Variants in RPTOR observed in about 807,000 individuals in gnomAD.
The protein encoded by RPTOR is regulatory associated protein of MTOR complex 1, also known as regulatory-associated protein of mTOR.
A neutral mutation model predicts 169.9 loss-of-function variants in RPTOR; 21 were observed. The observed-to-expected ratio is 0.12, with a 90% CI of 0.09 to 0.18. The LOEUF (loss-of-function observed/expected upper bound fraction) is 0.18. RPTOR is among the 10% of genes least tolerant of loss of function. The pLI is 1.00. For synonymous variants in RPTOR, 732 were observed against 753.2 expected (o/e 0.97, Z 0.46); for missense variants, 1,133 against 1,855.9 (o/e 0.61, Z 7.16).
intron 9 of RPTOR, among the ~76,000 whole-genome samples, chr17:80,828,787 G>A (rs1446213137): frequency 6.6e-6 from 1 of 152,212 alleles, no homozygotes; most frequent in South Asian, 2.1e-4. Flanking sequence ...GGTTATAAGA[G>A]GGAAAATTTG....
intron 16 of RPTOR, among the ~76,000 whole-genome samples, chr17:80,884,369 C>T (rs1297082753): frequency 6.6e-6 from 1 of 152,222 alleles, no homozygotes; most frequent in Non-Finnish European, 1.5e-5. Context: ...GTGCGGGGCA[C>T]TGCCCACAGA....
chr17:80,755,738 C>CAAA (rs77078803), intron 6 of RPTOR, among the ~76,000 whole-genome samples: 4 of 80,184 alleles, frequency 5.0e-5, no homozygotes, highest in African/African-American at 5.2e-5. Flanking sequence ...GACCCTGTCT[C>CAAA]AAAAAAAAAA....
At chr17:80,792,552 C>A (rs2067059455) in intron 7 of RPTOR, among the ~76,000 whole-genome samples, 1 of 152,150 alleles carries the variant, frequency 6.6e-6, no homozygotes, top group Non-Finnish European at 1.5e-5. Context: ...AGTGAGCAGT[C>A]CTCAGCATGG....
intron 14 of RPTOR, among the ~76,000 whole-genome samples, chr17:80,882,903 G>A (rs769188075): frequency 6.6e-5 from 10 of 152,212 alleles, no homozygotes; most frequent in African/African-American, 1.7e-4. Flanking sequence ...CTAAGGCACC[G>A]CTAAAAAGTT....
At chr17:80,679,014 G>T (rs1051894679) in intron 3 of RPTOR, among the ~76,000 whole-genome samples, 1 of 152,214 alleles carries the variant, frequency 6.6e-6, no homozygotes, top group Non-Finnish European at 1.5e-5. Context: ...ACAAGAAGTG[G>T]CCTCTGCTTC....
At chr17:80,710,336 G>A (rs1284238522) in intron 4 of RPTOR, among the ~76,000 whole-genome samples, 1 of 151,944 alleles carries the variant, frequency 6.6e-6, no homozygotes, top group Non-Finnish European at 1.5e-5. Context: ...TTGGTGTGCT[G>A]GCCGATGCCT....
chr17:80,955,887 A>G (rs985636132), intron 28 of RPTOR, among the ~76,000 whole-genome samples: 5 of 152,210 alleles, frequency 3.3e-5, no homozygotes, highest in Non-Finnish European at 7.3e-5. Context: ...TGACTGTGAC[A>G]TGGTTCACAA....
chr17:80,576,194 C>A (rs2064961768), intron 1 of RPTOR, among the ~76,000 whole-genome samples: 1 of 152,218 alleles, frequency 6.6e-6, no homozygotes, highest in South Asian at 2.1e-4. Flanking sequence ...AGTCTACTTA[C>A]AGCCATTGGG....
intron 6 of RPTOR, among the ~76,000 whole-genome samples, chr17:80,790,424 G>A (rs995575200): frequency 2.0e-5 from 3 of 152,178 alleles, no homozygotes; most frequent in Non-Finnish European, 4.4e-5. Context: ...CTGCAGGGCT[G>A]CAAAAGTGAG....
Position 80,659,162 on chromosome 17 carries a change from C to T in RPTOR, c.348+15352C>T, listed in dbSNP as rs1387151883. Among the ~76,000 whole-genome samples, 1 of 152,104 alleles carries T rather than the reference C, an allele frequency of 6.6e-6. No homozygotes were observed. The highest frequency in any genetic ancestry group is 1.5e-5 in the Non-Finnish European group (1 of 68,028). ...CAGGCTGGAGCCCATGAGTGGTCCCCGAGAGATTGCCTCCGAGCGCTGTTA... is the reference window on the plus strand; with the variant it reads ...CAGGCTGGAGCCCATGAGTGGTCCCTGAGAGATTGCCTCCGAGCGCTGTTA... On this transcript the variant is annotated intron_variant, in intron 3 of 33. Transcript: ENST00000306801. This position sits in a 1 kb window ranked among gnomAD's most constrained non-coding sequence, Gnocchi z 4.3.
At chr17:80,578,038 C>A (rs2064981108) in intron 1 of RPTOR, among the ~76,000 whole-genome samples, 1 of 152,234 alleles carries the variant, frequency 6.6e-6, no homozygotes, top group Non-Finnish European at 1.5e-5. Flanking sequence ...GATAGCCTCT[C>A]TGCTCATGAG....
chr17:80,581,951 G>A (rs927364301), intron 1 of RPTOR, among the ~76,000 whole-genome samples: 2 of 152,218 alleles, frequency 1.3e-5, no homozygotes, highest in African/African-American at 4.8e-5. Context: ...GCAGAGGGCT[G>A]GGGATGTTGA....
At chr17:80,925,598 A>G (rs2068802606) in intron 24 of RPTOR, 118 bp downstream of exon 24, 1 of 778,974 alleles carries the variant, frequency 1.3e-6, no homozygotes, top group Admixed American at 2.2e-5. Context: ...TGGTCGTGGT[A>G]GTGATGGTCA....
At chr17:80,678,595 A>T (rs556975638) in intron 3 of RPTOR, among the ~76,000 whole-genome samples, 114 of 152,354 alleles carry the variant, frequency 7.5e-4, no homozygotes, top group African/African-American at 2.6e-3. Flanking sequence ...CAAGATAAAA[A>T]TTAAGAAAGG....
intron 28 of RPTOR, among the ~76,000 whole-genome samples, chr17:80,952,333 C>G (rs2069189543): frequency 6.6e-6 from 1 of 152,248 alleles, no homozygotes; most frequent in Non-Finnish European, 1.5e-5. Context: ...CCATCTTCGT[C>G]AGGTGCTCAC....
chr17:80,694,068 A>G lies in RPTOR; in HGVS notation c.349-13773A>G, dbSNP rs146715462. On this transcript the variant is annotated intron_variant, in intron 3 of 33. Transcript: ENST00000306801. ...CTTCAGAAAGTAAAGAGCGCTGTCA[A>G]GAATGCGAGCTGAAGATTTGCGTTT... Among the ~76,000 whole-genome samples, 1,369 of 152,386 alleles carry G rather than the reference A, an allele frequency of 9.0e-3. 21 individuals carry two copies. The highest frequency in any genetic ancestry group is 0.031 in the African/African-American group (1,273 of 41,598).
At chr17:80,931,060 T>G (rs2068891467) in intron 24 of RPTOR, among the ~76,000 whole-genome samples, 1 of 152,212 alleles carries the variant, frequency 6.6e-6, no homozygotes, top group Non-Finnish European at 1.5e-5. Flanking sequence ...TCATCCTGGT[T>G]TTGCTTGGCT....
chr17:80,626,126 C>T (rs374491576), intron 2 of RPTOR, among the ~76,000 whole-genome samples: 1 of 152,074 alleles, frequency 6.6e-6, no homozygotes, highest in Non-Finnish European at 1.5e-5. Context: ...GATCTTGGCT[C>T]ACAGTAACCT....
intron 6 of RPTOR, among the ~76,000 whole-genome samples, chr17:80,770,724 C>T (rs1336452057): frequency 6.6e-6 from 1 of 152,224 alleles, no homozygotes; most frequent in Non-Finnish European, 1.5e-5. Flanking sequence ...TCCTACTTAC[C>T]CGCCTCAAAC....
Sources: gnomAD v4.1 joint callset for allele counts (sites outside exome capture counted in the v4.1 genomes callset) on GRCh38, gnomAD v4.1.1 for gene constraint, Gnocchi (gnomAD v3.1) non-coding constraint, MANE v1.5 for transcripts, NCBI Gene and HGNC (gene_info 2026-07-23, HGNC 2026-07-21) for gene names.